CDH18: variants seen among roughly 807,000 people sequenced by gnomAD.
The protein encoded by CDH18 is cadherin-18.
A neutral mutation model predicts 67.9 loss-of-function variants in CDH18; 31 were observed. That is an observed-to-expected ratio of 0.46 (90% confidence interval 0.34 to 0.62). The LOEUF (loss-of-function observed/expected upper bound fraction) is 0.62. Ranked by LOEUF, CDH18 falls within the 20% of genes least tolerant of loss-of-function variation. The pLI, the probability that CDH18 is intolerant of heterozygous loss-of-function variation, is 0.01. For synonymous variants in CDH18, 362 were observed against 347.2 expected, an observed-to-expected ratio of 1.04 and a Z score of -0.48; for missense variants, 890 against 975.5, an observed-to-expected ratio of 0.91 and a Z score of 1.17.
chr5:20,319,462 T>G (rs1446594379), intron 1 of CDH18, among the ~76,000 whole-genome samples: 2 of 152,220 alleles, frequency 1.3e-5, no homozygotes, highest in Non-Finnish European at 2.9e-5. Flanking sequence ...TTGCTTCTCT[T>G]ATAAAACTCC....
In CDH18 at chr5:19,994,851, T is replaced by TAGAGAGAGAGAGAGAG. The variant is rs796697683; in HGVS notation, c.-517-2838_-517-2837insCTCTCTCTCTCTCTCT. ...GAGAATATATATATATATATATATA[T>TAGAGAGAGAGAGAGAG]ATATAGAGAGAGAGAGAGAGAGAGA... On this transcript the variant is annotated intron_variant, in intron 2 of 14. Transcript: ENST00000507958. 3.8e-4 allele frequency among the ~76,000 whole-genome samples: 15 copies of TAGAGAGAGAGAGAGAG among 39,200 alleles called. 3 individuals are homozygous for TAGAGAGAGAGAGAGAG. Among genetic ancestry groups the TAGAGAGAGAGAGAGAG allele is most frequent in the African/African-American group, 1.8e-3 (15 of 8,114 alleles). 25.7% of individuals were successfully genotyped at this position (39,200 alleles called of 152,430 possible).
Position 19,741,186 on chromosome 5 carries a change from C to CTATGTATATATGTATATATGTCATA in CDH18, c.523+5731_523+5755dup, listed in dbSNP as rs1561195979. Among the ~76,000 whole-genome samples, 116 of 147,194 alleles carry CTATGTATATATGTATATATGTCATA rather than the reference C, an allele frequency of 7.9e-4. 1 individual carries two copies. The highest frequency in any genetic ancestry group is 2.8e-3 in the African/African-American group (113 of 40,024). ...CTATGTATATATGTATATATGTCAT[C>CTATGTATATATGTATATATGTCATA]TATGTATATATGTATATATGTCATA... On this transcript the variant is annotated intron_variant, in intron 4 of 12. Transcript: ENST00000382275.
intron 2 of CDH18, among the ~76,000 whole-genome samples, chr5:19,862,460 G>T (rs1429765915): frequency 6.6e-6 from 1 of 152,086 alleles, no homozygotes; most frequent in Non-Finnish European, 1.5e-5. Flanking sequence ...ACAAACATAC[G>T]ATTCAAAGCC....
At position 20,322,823 on chromosome 5, in the gene CDH18, G is replaced by A. The variant is rs139463980; in HGVS notation, c.-579-67318C>T. 3.3e-5 allele frequency among the ~76,000 whole-genome samples: 5 copies of A among 152,252 alleles called. No homozygotes were observed. The East Asian group carries it at 9.7e-4, about 29-fold the overall frequency. On this transcript the variant is annotated intron_variant, in intron 1 of 14. Coordinates refer to the CDH18 transcript ENST00000507958. ...GAAATTATTGTCTTCATAAAGAAAT[G>A]TGTTATGCTAAGTATCTAAAGAAAA...
At chr5:20,480,004 T>C (rs1175886822) in intron 1 of CDH18, among the ~76,000 whole-genome samples, 2 of 152,080 alleles carry the variant, frequency 1.3e-5, no homozygotes, top group Non-Finnish European at 2.9e-5. Flanking sequence ...CTGAGATAAA[T>C]AAATTTTATC....
chr5:20,170,180 A>T (rs2126642680), intron 2 of CDH18, among the ~76,000 whole-genome samples: 1 of 151,088 alleles, frequency 6.6e-6, no homozygotes. Context: ...CCCTCTTCTT[A>T]CCCCACCCCC....
At chr5:19,494,871 A>G (rs761361985) in intron 11 of CDH18, among the ~76,000 whole-genome samples, 1 of 152,154 alleles carries the variant, frequency 6.6e-6, no homozygotes, top group Admixed American at 6.5e-5. Flanking sequence ...ATGTTATCCC[A>G]GTTAAGATTT....
intron 2 of CDH18, among the ~76,000 whole-genome samples, chr5:19,960,989 CAGG>C (rs75118166): frequency 0.43 from 64,324 of 150,840 alleles, 15,960 homozygotes; most frequent in Middle Eastern, 0.64. Context: ...ACTGGGAGTG[CAGG>C]AGGTTTGTTT....
intron 2 of CDH18, among the ~76,000 whole-genome samples, chr5:20,057,451 T>A (rs956235714): frequency 2.6e-5 from 4 of 152,216 alleles, no homozygotes; most frequent in African/African-American, 9.6e-5. Context: ...TACATCCTCT[T>A]TATTAACTTA....
At chr5:20,398,577 A>G (rs943882865) in intron 1 of CDH18, among the ~76,000 whole-genome samples, 10 of 152,206 alleles carry the variant, frequency 6.6e-5, no homozygotes, top group African/African-American at 2.2e-4. Context: ...TGCGGGGCTT[A>G]AAACCTAGAT....
intron 2 of CDH18, among the ~76,000 whole-genome samples, chr5:20,085,409 A>AATTTTGG (rs1744856935): frequency 2.0e-5 from 3 of 152,228 alleles, no homozygotes; most frequent in Non-Finnish European, 2.9e-5. Context: ...GGAAATTCCA[A>AATTTTGG]AATTTCCCAT....
At chr5:19,708,013 T>C (rs1264877162) in intron 5 of CDH18, among the ~76,000 whole-genome samples, 1 of 152,194 alleles carries the variant, frequency 6.6e-6, no homozygotes, top group Non-Finnish European at 1.5e-5. Flanking sequence ...TCCTATTATC[T>C]GGAAACATGG....
chr5:20,061,134 C>T (rs1742448757), intron 2 of CDH18, among the ~76,000 whole-genome samples: 1 of 151,998 alleles, frequency 6.6e-6, no homozygotes, highest in Admixed American at 6.6e-5. Flanking sequence ...AGGAGAATTA[C>T]TTCTGAAAAT....
At chr5:20,519,838 A>G (rs1186928136) in intron 1 of CDH18, among the ~76,000 whole-genome samples, 3 of 151,186 alleles carry the variant, frequency 2.0e-5, no homozygotes, top group Admixed American at 2.0e-4. Flanking sequence ...TTGGCATAGT[A>G]CTATGGAGAC....
At chr5:19,802,710 T>C (rs569117033) in intron 3 of CDH18, among the ~76,000 whole-genome samples, 1 of 152,348 alleles carries the variant, frequency 6.6e-6, no homozygotes, top group Admixed American at 6.5e-5. Context: ...ATTTTGCCTC[T>C]TCCTTACTTA....
intron 10 of CDH18, among the ~76,000 whole-genome samples, chr5:19,514,911 A>T (rs1745724943): frequency 6.6e-6 from 1 of 152,176 alleles, no homozygotes; most frequent in Non-Finnish European, 1.5e-5. Context: ...TTAGTCATGA[A>T]GTCCTTGCCC....
intron 1 of CDH18, among the ~76,000 whole-genome samples, chr5:20,575,117 A>G (rs1759045259): frequency 1.3e-5 from 2 of 152,162 alleles, no homozygotes; most frequent in South Asian, 4.1e-4. Context: ...TTTAACAGCT[A>G]AAAACAATAT....
intron 11 of CDH18, among the ~76,000 whole-genome samples, chr5:19,489,250 C>CTTTTTTTTTTTT (rs1237810466): frequency 1.6e-5 from 2 of 128,128 alleles, no homozygotes; most frequent in African/African-American, 2.9e-5. Context: ...TTTTTTTTTT[C>CTTTTTTTTTTTT]TTTTTTTTTT....
intron 1 of CDH18, among the ~76,000 whole-genome samples, chr5:20,319,048 T>G (rs1348672921): frequency 1.3e-5 from 2 of 152,208 alleles, no homozygotes; most frequent in African/African-American, 4.8e-5. Context: ...CCCAGTCTAC[T>G]TGTTCATCTC....
Sources: gnomAD v4.1 joint callset for allele counts (sites outside exome capture counted in the v4.1 genomes callset) on GRCh38, gnomAD v4.1.1 for gene constraint, MANE v1.5 for transcripts, NCBI Gene and HGNC (gene_info 2026-07-23, HGNC 2026-07-21) for gene names.